NKAIN2: variants seen among roughly 807,000 people sequenced by gnomAD.
The protein encoded by NKAIN2 is sodium/potassium transporting ATPase interacting 2.
A neutral mutation model predicts 32.6 loss-of-function variants in NKAIN2; 14 were observed. The ratio of observed to expected loss-of-function variants is 0.43; its 90% CI spans 0.28 to 0.67. The LOEUF is 0.67. Among genes scored for constraint, NKAIN2 ranks in the 30% least tolerant of loss-of-function variants. The probability of loss-of-function intolerance (pLI) is 0.17; values close to 1 mark genes in which losing one functional copy is unlikely to be tolerated. For synonymous variants in NKAIN2, 80 were observed against 87.2 expected (o/e 0.92, Z 0.46); for missense variants, 198 against 258.3 (o/e 0.77, Z 1.60).
intron 1 of NKAIN2, among the ~76,000 whole-genome samples, chr6:124,204,118 A>G (rs1314011478): frequency 6.6e-6 from 1 of 151,858 alleles, no homozygotes; most frequent in Non-Finnish European, 1.5e-5. Flanking sequence ...TATTACACCT[A>G]AACTATAGCC....
chr6:124,791,382 C>A lies in NKAIN2; in HGVS notation c.518C>A (p.Thr173Asn), dbSNP rs550796318. Residue 173 changes from threonine (T) to asparagine (N), a missense_variant, in exon 5 of 7, where the codon ACT (threonine) becomes AAT (asparagine). By Grantham distance (65) the Thr-to-Asn change is moderately conservative. Transcript: ENST00000368417. ...GCCTGTTATGTTGTGAAATGTATAA[C>A]TGAAGAAGAGGACAGCTGTAAGTAT... ...IYACYVVKCI[T>N]EEEDSFDFIG... 2 of 1,606,864 alleles carry A rather than the reference C, an allele frequency of 1.2e-6. No homozygotes were observed. The highest frequency in any genetic ancestry group is 4.5e-5 in the East Asian group (2 of 44,780).
intron 1 of NKAIN2, among the ~76,000 whole-genome samples, chr6:123,806,505 T>C (rs753410603): frequency 6.6e-6 from 1 of 152,092 alleles, no homozygotes; most frequent in Non-Finnish European, 1.5e-5. Flanking sequence ...AATAATTCTT[T>C]TGCAAATTAA....
intron 4 of NKAIN2, among the ~76,000 whole-genome samples, chr6:124,779,294 AGGAGGGAGGGAG>A (rs1189401733): frequency 2.4e-4 from 17 of 70,804 alleles, no homozygotes; most frequent in Non-Finnish European, 2.9e-4. Flanking sequence ...GAAGGCAGGA[AGGAGGGAGGGAG>A]GGAGGGAGGG....
At chr6:124,816,966 C>G (rs555990115) in intron 5 of NKAIN2, among the ~76,000 whole-genome samples, 9 of 152,300 alleles carry the variant, frequency 5.9e-5, no homozygotes, top group African/African-American at 1.9e-4. Flanking sequence ...GCTGCCAAAA[C>G]TTAGTGGTAT....
intron 3 of NKAIN2, among the ~76,000 whole-genome samples, chr6:124,599,376 T>C (rs557450333): frequency 6.6e-6 from 1 of 152,202 alleles, no homozygotes; most frequent in East Asian, 1.9e-4. Context: ...CTAAAGTGAT[T>C]GTGGATTTTG....
intron 4 of NKAIN2, among the ~76,000 whole-genome samples, chr6:124,699,661 G>A (rs187424841): frequency 4.1e-4 from 62 of 152,300 alleles, no homozygotes; most frequent in African/African-American, 1.4e-3. Flanking sequence ...AGACATGCCT[G>A]CTTCCCTTTG....
intron 1 of NKAIN2, among the ~76,000 whole-genome samples, chr6:124,033,923 G>T (rs766234093): frequency 1.3e-5 from 2 of 151,992 alleles, no homozygotes; most frequent in Non-Finnish European, 2.9e-5. Context: ...TTTTCTGTAG[G>T]TGTAGAATAT....
At chr6:124,461,470 C>CT (rs1391296379) in intron 3 of NKAIN2, among the ~76,000 whole-genome samples, 1 of 151,588 alleles carries the variant, frequency 6.6e-6, no homozygotes, top group East Asian at 1.9e-4. Context: ...ATCTGTGTTG[C>CT]TTTTTTATCT....
chr6:124,412,791 G>C (rs1562167626), intron 3 of NKAIN2, among the ~76,000 whole-genome samples: 2 of 152,312 alleles, frequency 1.3e-5, no homozygotes, highest in Non-Finnish European at 2.9e-5. Flanking sequence ...ACCTAGGCAG[G>C]CAGGCCTCCT....
chr6:124,217,227 G>A (rs1190824727), intron 1 of NKAIN2, among the ~76,000 whole-genome samples: 4 of 152,124 alleles, frequency 2.6e-5, no homozygotes, highest in Non-Finnish European at 4.4e-5. Context: ...TCCTGGGAGA[G>A]GGGGAAGAGT....
chr6:124,027,416 A>G (rs1781161592), intron 1 of NKAIN2, among the ~76,000 whole-genome samples: 1 of 152,218 alleles, frequency 6.6e-6, no homozygotes, highest in South Asian at 2.1e-4. Context: ...GCTGGGTGGG[A>G]TTACAGGCGT....
chr6:124,719,875 T>G (rs1443493778), intron 4 of NKAIN2, among the ~76,000 whole-genome samples: 2 of 152,150 alleles, frequency 1.3e-5, no homozygotes, highest in Non-Finnish European at 1.5e-5. Context: ...ACAATTTGAA[T>G]GTATAATTGA....
At chr6:124,400,259 T>A (rs1033709599) in intron 3 of NKAIN2, among the ~76,000 whole-genome samples, 25 of 152,048 alleles carry the variant, frequency 1.6e-4, no homozygotes, top group Non-Finnish European at 3.1e-4. Flanking sequence ...GATTTTTTTT[T>A]AAACTTAAGT....
chr6:124,226,401 C>T (rs1297601950), intron 1 of NKAIN2, among the ~76,000 whole-genome samples: 1 of 151,970 alleles, frequency 6.6e-6, no homozygotes, highest in Non-Finnish European at 1.5e-5. Context: ...TTCCCCTGCT[C>T]GAGTGTTCTA....
intron 1 of NKAIN2, among the ~76,000 whole-genome samples, chr6:124,052,420 C>T (rs922945752): frequency 5.9e-5 from 9 of 152,136 alleles, no homozygotes; most frequent in South Asian, 2.1e-4. Flanking sequence ...CATTTATTTT[C>T]ACTAACCTCT....
chr6:124,748,863 AAG>A (rs1491380761), intron 4 of NKAIN2, among the ~76,000 whole-genome samples: 3 of 151,164 alleles, frequency 2.0e-5, no homozygotes, highest in South Asian at 2.1e-4. Context: ...TAAAAAAAAA[AAG>A]AAGTGTGCAA....
intron 3 of NKAIN2, among the ~76,000 whole-genome samples, chr6:124,614,695 C>CCA (rs1191979616): frequency 1.3e-4 from 20 of 152,126 alleles, no homozygotes; most frequent in Non-Finnish European, 2.9e-4. Flanking sequence ...AAAGACCCCC[C>CCA]CAATTTCTTC....
intron 1 of NKAIN2, among the ~76,000 whole-genome samples, chr6:123,954,384 G>C (rs1195054010): frequency 6.6e-6 from 1 of 151,318 alleles, no homozygotes; most frequent in Admixed American, 6.5e-5. Context: ...GAAGTCCACA[G>C]TAGGATGGTG....
In NKAIN2 at chr6:124,398,252, C is replaced by CAAAAAAA. The variant is rs869039720; in HGVS notation, c.273+42929_273+42935dup. On this transcript the variant is annotated intron_variant, in intron 3 of 6. Coordinates refer to ENST00000368417, the MANE Select transcript of NKAIN2 (RefSeq NM_001040214.3). ...TGGGTGACAGAGAGAGACTGCATCT[C>CAAAAAAA]AAAAAAAAAAAAAAAAAAAAAAAAA... 9.3e-4 allele frequency among the ~76,000 whole-genome samples: 64 copies of CAAAAAAA among 69,066 alleles called. 2 individuals carry two copies. The highest frequency in any genetic ancestry group is 2.8e-3 in the African/African-American group (36 of 12,922). The allele number at this position is 69,066 out of a possible 152,430, so 45.3% of individuals were successfully genotyped here. A position where few individuals can be genotyped will look rare whatever the true frequency, so the allele number is the denominator to read the frequency against.
Sources: gnomAD v4.1 joint callset for allele counts (sites outside exome capture counted in the v4.1 genomes callset) on GRCh38, gnomAD v4.1.1 for gene constraint, MANE v1.5 for transcripts, NCBI Gene and HGNC (gene_info 2026-07-23, HGNC 2026-07-21) for gene names.